Variants in POU6F2 observed in about 807,000 individuals in gnomAD.
The protein encoded by POU6F2 is POU domain, class 6, transcription factor 2.
A neutral mutation model predicts 71.3 loss-of-function variants in POU6F2; 31 were observed. That is an observed-to-expected ratio of 0.43 (90% CI 0.33 to 0.59). The LOEUF is 0.59. Among genes scored for constraint, POU6F2 ranks in the 20% least tolerant of loss-of-function variants. The pLI, the probability that POU6F2 is intolerant of heterozygous loss-of-function variation, is 0.04. For synonymous variants in POU6F2, 347 were observed against 355.7 expected (o/e 0.98, Z 0.27); for missense variants, 783 against 856.8 (o/e 0.91, Z 1.07).
chr7:39,337,319 TTTTCC>T (rs1426172816), intron 4 of POU6F2, among the ~76,000 whole-genome samples: 1 of 152,236 alleles, frequency 6.6e-6, no homozygotes, highest in Non-Finnish European at 1.5e-5. Context: ...TGTGTATCCC[TTTTCC>T]TTTCATAGCT....
chr7:39,223,660 T>C (rs1794410228), intron 4 of POU6F2, among the ~76,000 whole-genome samples: 2 of 152,214 alleles, frequency 1.3e-5, no homozygotes, highest in Non-Finnish European at 2.9e-5. Context: ...CTTTGAGAGC[T>C]ATCTAAATCC....
chr7:39,270,737 T>A (rs930768646), intron 4 of POU6F2, among the ~76,000 whole-genome samples: 6 of 152,112 alleles, frequency 3.9e-5, no homozygotes, highest in African/African-American at 7.2e-5. Context: ...GCACTCAAAC[T>A]TTATCTTTCT....
Position 39,464,819 on chromosome 7 carries a change from A to G in POU6F2, c.*133A>G. 1 of 1,125,088 alleles carries G rather than the reference A, an allele frequency of 8.9e-7. No individual in the cohort carries two copies. Among genetic ancestry groups the G allele is most frequent in the Non-Finnish European group, 1.2e-6 (1 of 818,032 alleles). 69.7% of individuals were successfully genotyped at this position (1,125,088 alleles called of 1,614,324 possible). The stretch of plus-strand genomic sequence containing the variant: ...CCAGTCGTCATCACCCTTGTAAGTA[A>G]ATGACTAAGAAAACTACCAAGTGGA... On this transcript the variant is annotated 3_prime_UTR_variant, in exon 10 of 10. Coordinates refer to ENST00000518318, the MANE Select transcript of POU6F2 (RefSeq NM_001370959.1). This position sits in a 1 kb window ranked among gnomAD's most constrained non-coding sequence, Gnocchi z 4.1.
rs1487804494 is a variant in POU6F2 at position 39,468,452 on chromosome 7, G to T, written c.*3766G>T. 9 of 147,692 alleles carry T rather than the reference G, an allele frequency of 6.1e-5. No homozygotes were observed. Among genetic ancestry groups the T allele is most frequent in the Non-Finnish European group, 1.2e-4 (8 of 66,392 alleles). 9.1% of individuals were successfully genotyped at this position (147,692 alleles called of 1,614,324 possible). On this transcript the variant is annotated 3_prime_UTR_variant, in exon 10 of 10. Coordinates refer to ENST00000518318, the MANE Select transcript of POU6F2 (RefSeq NM_001370959.1). The stretch of plus-strand genomic sequence containing the variant: ...ACCAAAGCTGATTTTATCTGCACAG[G>T]TTGCTTAATATTTAAAAAAAAAAAA...
intron 5 of POU6F2, among the ~76,000 whole-genome samples, chr7:39,394,762 A>G (rs560925391): frequency 1.5e-4 from 23 of 152,244 alleles, no homozygotes; most frequent in African/African-American, 5.1e-4. Context: ...TCTTTTGTGA[A>G]GCATCCATGA....
chr7:39,252,734 T>G (rs1249847407), intron 4 of POU6F2, among the ~76,000 whole-genome samples: 1 of 152,144 alleles, frequency 6.6e-6, no homozygotes, highest in Non-Finnish European at 1.5e-5. Flanking sequence ...TTCCCTCAGA[T>G]GGGCACATGG....
chr7:39,177,763 T>A (rs1396783855), intron 2 of POU6F2, among the ~76,000 whole-genome samples: 2 of 152,218 alleles, frequency 1.3e-5, no homozygotes, highest in Non-Finnish European at 2.9e-5. Context: ...AGGTGTCTCA[T>A]AATCAGTTCT....
At chr7:39,090,686 G>GCTT (rs146380731) in intron 2 of POU6F2, among the ~76,000 whole-genome samples, 7,438 of 152,112 alleles carry the variant, frequency 0.049, 255 homozygotes, top group Middle Eastern at 0.1. Context: ...TATGTATCAT[G>GCTT]CTTCTATATT....
At chr7:39,282,000 G>GGAAA (rs1784571909) in intron 4 of POU6F2, among the ~76,000 whole-genome samples, 1 of 152,000 alleles carries the variant, frequency 6.6e-6, no homozygotes, top group Non-Finnish European at 1.5e-5. Flanking sequence ...GGGGTGAAGT[G>GGAAA]GTATCTCATT....
chr7:39,401,485 G>A (rs1206511705), intron 5 of POU6F2, among the ~76,000 whole-genome samples: 1 of 152,140 alleles, frequency 6.6e-6, no homozygotes, highest in Admixed American at 6.5e-5. Flanking sequence ...GATAAATATG[G>A]TCACTCTTCC....
At chr7:39,175,653 T>A (rs1332726581) in intron 2 of POU6F2, among the ~76,000 whole-genome samples, 1 of 152,086 alleles carries the variant, frequency 6.6e-6, no homozygotes, top group Middle Eastern at 3.2e-3. Context: ...TCATAAAGTA[T>A]AATTTTGAAT....
At chr7:39,134,451 A>C (rs1179495114) in intron 2 of POU6F2, among the ~76,000 whole-genome samples, 1 of 152,156 alleles carries the variant, frequency 6.6e-6, no homozygotes, top group East Asian at 1.9e-4. Flanking sequence ...AGATCATGAT[A>C]ATGATAATGG....
chr7:39,372,842 T>A (rs771420697), intron 5 of POU6F2, among the ~76,000 whole-genome samples: 2 of 152,180 alleles, frequency 1.3e-5, no homozygotes, highest in African/African-American at 2.4e-5. Flanking sequence ...AAACAGGCTA[T>A]GGGCCAGATT....
intron 1 of POU6F2, among the ~76,000 whole-genome samples, chr7:39,072,654 C>T (rs1790907998): frequency 1.3e-5 from 2 of 152,224 alleles, no homozygotes; most frequent in Admixed American, 1.3e-4. Context: ...GATGCTTCAT[C>T]TGTTCCATCC....
At chr7:39,382,145 T>C (rs1263581905) in intron 5 of POU6F2, among the ~76,000 whole-genome samples, 2 of 152,160 alleles carry the variant, frequency 1.3e-5, no homozygotes, top group African/African-American at 4.8e-5. Context: ...CTGACCCAGA[T>C]CCAACCAGAT....
intron 2 of POU6F2, among the ~76,000 whole-genome samples, chr7:39,114,579 A>AT (rs34897526): frequency 0.038 from 5,818 of 151,764 alleles, 131 homozygotes; most frequent in Middle Eastern, 0.082. Context: ...TAAAAAGGTG[A>AT]TTTTTTTTTC....
At chr7:39,159,679 G>T (rs980685638) in intron 2 of POU6F2, among the ~76,000 whole-genome samples, 2 of 152,100 alleles carry the variant, frequency 1.3e-5, no homozygotes, top group African/African-American at 4.8e-5. Flanking sequence ...GTGGGAAGAG[G>T]TAACAAAAAG....
At chr7:39,377,003 A>G (rs1376913278) in intron 5 of POU6F2, among the ~76,000 whole-genome samples, 2 of 148,382 alleles carry the variant, frequency 1.3e-5, no homozygotes, top group Non-Finnish European at 3.0e-5. Context: ...ATATAAATAT[A>G]TTTGTTTAAC....
chr7:39,458,823 CG>C (rs1050434805), intron 8 of POU6F2, among the ~76,000 whole-genome samples: 2 of 152,130 alleles, frequency 1.3e-5, no homozygotes, highest in African/African-American at 4.8e-5. Context: ...CAGGTCCCTA[CG>C]GTGCCCTGCT....
Sources: allele counts gnomAD v4.1 joint callset (sites outside exome capture counted in the v4.1 genomes callset), GRCh38; gene constraint gnomAD v4.1.1; non-coding constraint Gnocchi (gnomAD v3.1); transcripts MANE v1.5; gene names NCBI Gene and HGNC (gene_info 2026-07-23, HGNC 2026-07-21).